The following FAM13A variants were observed in gnomAD, a reference collection of about 807,000 sequenced individuals.
FAM13A encodes protein FAM13A.
Under a neutral mutation model 129.6 loss-of-function variants are expected in FAM13A, and 76 were observed. That is an observed-to-expected ratio of 0.59 (90% CI 0.49 to 0.71). The LOEUF (loss-of-function observed/expected upper bound fraction) is 0.71, where lower values mean the gene tolerates loss of function less well. FAM13A is among the 30% of genes least tolerant of loss of function. The probability of loss-of-function intolerance (pLI) is 0.00; values close to 1 mark genes in which losing one functional copy is unlikely to be tolerated. For synonymous variants in FAM13A, 443 were observed against 449.9 expected (o/e 0.98, Z 0.20); for missense variants, 1,108 against 1,249.3 (o/e 0.89, Z 1.70).
At chr4:88,873,797 A>G (rs754076716) in intron 6 of FAM13A, among the ~76,000 whole-genome samples, 2 of 152,254 alleles carry the variant, frequency 1.3e-5, no homozygotes, top group Non-Finnish European at 2.9e-5. Context: ...TGAGGCCAGC[A>G]TCATCCTGAT....
chr4:89,032,828 G>C lies in FAM13A; in HGVS notation c.28-3179C>G, dbSNP rs374087161. On this transcript the variant is annotated intron_variant, in intron 1 of 23. Coordinates refer to ENST00000264344, the MANE Select transcript of FAM13A (RefSeq NM_014883.4). ...ACTCAAAATGATTGCCTTGCCTCTA[G>C]GAAAGACAGGGCTCAGTCTCTCCAC... Among the ~76,000 whole-genome samples, 36 of 152,290 alleles carry C rather than the reference G, an allele frequency of 2.4e-4. No homozygotes were observed. In the East Asian group the frequency reaches 6.2e-3, roughly 26 times the overall value.
chr4:89,016,680 G>A (rs531230800), intron 3 of FAM13A, among the ~76,000 whole-genome samples: 13 of 152,154 alleles, frequency 8.5e-5, no homozygotes, highest in Non-Finnish European at 1.9e-4. Flanking sequence ...TGTCACTCAG[G>A]CTGGAGTGCA....
chr4:88,807,129 T>C (rs1413662044), intron 7 of FAM13A, among the ~76,000 whole-genome samples: 1 of 152,170 alleles, frequency 6.6e-6, no homozygotes, highest in African/African-American at 2.4e-5. Flanking sequence ...TGAAGGAAAA[T>C]TAACATGGTT....
intron 8 of FAM13A, among the ~76,000 whole-genome samples, chr4:88,803,218 C>T (rs2149735798): frequency 6.6e-6 from 1 of 152,224 alleles, no homozygotes; most frequent in South Asian, 2.1e-4. Flanking sequence ...TGAAATAGTT[C>T]TGCTTAGTTT....
intron 3 of FAM13A, among the ~76,000 whole-genome samples, chr4:88,992,588 T>C (rs1763051520): frequency 1.3e-5 from 2 of 152,180 alleles, no homozygotes; most frequent in South Asian, 4.1e-4. Flanking sequence ...CAGAATTTGA[T>C]ATATATTTCT....
chr4:88,955,489 G>A (rs757158869), intron 4 of FAM13A, among the ~76,000 whole-genome samples: 20 of 152,226 alleles, frequency 1.3e-4, no homozygotes, highest in African/African-American at 3.1e-4. Context: ...AATTGGTACC[G>A]GGTAGTGGAG....
At chr4:88,933,023 A>T (rs1753291693) in intron 5 of FAM13A, among the ~76,000 whole-genome samples, 1 of 152,202 alleles carries the variant, frequency 6.6e-6, no homozygotes, top group Admixed American at 6.5e-5. Context: ...CCCACAATCA[A>T]ATAAAGCATT....
chr4:88,857,337 T>G (rs141274154), intron 6 of FAM13A, among the ~76,000 whole-genome samples: 1 of 152,160 alleles, frequency 6.6e-6, no homozygotes, highest in Non-Finnish European at 1.5e-5. Context: ...TTCAAAAGGT[T>G]TATGTTGAGG....
chr4:88,732,235 A>T (rs770503881), intron 21 of FAM13A, 37 bp from the exon 22 acceptor site: 20 of 1,489,696 alleles, frequency 1.3e-5, no homozygotes, highest in Non-Finnish European at 1.7e-5. Context: ...AAATCTGGTC[A>T]CTTTTTGGGG....
chr4:88,747,285 T>A (rs1741550710), intron 18 of FAM13A, among the ~76,000 whole-genome samples: 1 of 152,098 alleles, frequency 6.6e-6, no homozygotes, highest in African/African-American at 2.4e-5. Context: ...GTGAGGCACA[T>A]GGGGCTTAGC....
intron 5 of FAM13A, among the ~76,000 whole-genome samples, chr4:88,921,196 G>A (rs1315708305): frequency 6.6e-6 from 1 of 151,868 alleles, no homozygotes; most frequent in African/African-American, 2.4e-5. Flanking sequence ...AGGAAATACA[G>A]AGAACGCCAC....
At chr4:88,834,509 C>T (rs1422998508) in intron 7 of FAM13A, among the ~76,000 whole-genome samples, 1 of 152,096 alleles carries the variant, frequency 6.6e-6, no homozygotes, top group Non-Finnish European at 1.5e-5. Context: ...ATGCATTGTA[C>T]TAAGCATTTC....
chr4:88,909,108 T>C (rs1002681766), intron 5 of FAM13A, among the ~76,000 whole-genome samples: 1 of 152,172 alleles, frequency 6.6e-6, no homozygotes, highest in Non-Finnish European at 1.5e-5. Context: ...TCTGAGAAAG[T>C]TGAAAATTTA....
intron 20 of FAM13A, among the ~76,000 whole-genome samples, chr4:88,738,217 G>A (rs141596762): frequency 3.3e-5 from 5 of 152,186 alleles, no homozygotes; most frequent in South Asian, 2.1e-4. Context: ...CAGCTAAAAT[G>A]AGTATGTATT....
At chr4:89,021,860 G>A (rs1450869291) in intron 2 of FAM13A, among the ~76,000 whole-genome samples, 1 of 132,018 alleles carries the variant, frequency 7.6e-6, no homozygotes, top group Non-Finnish European at 1.7e-5. Flanking sequence ...GTTTTGAAAA[G>A]TAGGAATACA....
At chr4:88,899,119 T>C (rs540383179) in intron 6 of FAM13A, among the ~76,000 whole-genome samples, 21 of 151,992 alleles carry the variant, frequency 1.4e-4, no homozygotes, top group African/African-American at 4.1e-4. Flanking sequence ...CATACATATA[T>C]ATATATACAT....
intron 5 of FAM13A, among the ~76,000 whole-genome samples, chr4:88,908,737 G>A (rs1372824978): frequency 6.6e-6 from 1 of 152,190 alleles, no homozygotes; most frequent in Non-Finnish European, 1.5e-5. Flanking sequence ...TGAACTGGCA[G>A]ATAAGAGATC....
intron 5 of FAM13A, among the ~76,000 whole-genome samples, chr4:88,934,811 T>C (rs970820078): frequency 6.6e-6 from 1 of 152,240 alleles, no homozygotes; most frequent in African/African-American, 2.4e-5. Flanking sequence ...TGAAGACTAT[T>C]TGCCAAATTC....
At chr4:88,957,143 T>C (rs1560531811) in intron 4 of FAM13A, among the ~76,000 whole-genome samples, 1 of 152,122 alleles carries the variant, frequency 6.6e-6, no homozygotes. Flanking sequence ...CTGGCTAACA[T>C]GGTGAAATGC....
Sources: gnomAD v4.1 joint callset for allele counts (sites outside exome capture counted in the v4.1 genomes callset) on GRCh38, gnomAD v4.1.1 for gene constraint, MANE v1.5 for transcripts, NCBI Gene and HGNC (gene_info 2026-07-23, HGNC 2026-07-21) for gene names.